Variants in TBX1 observed in about 807,000 individuals in gnomAD.
TBX1 encodes T-box transcription factor 1.
In TBX1, 16 loss-of-function variants were observed where a neutral mutation model predicts 40.8. The observed-to-expected ratio is 0.39, with a 90% CI of 0.27 to 0.60. The LOEUF is 0.60. Among genes scored for constraint, TBX1 ranks in the 20% least tolerant of loss-of-function variants. TBX1 has a pLI of 0.51. For missense variants in TBX1, 755 were observed against 728.5 expected, an observed-to-expected ratio of 1.04 and a Z score of -0.42; for synonymous variants, 403 against 336.8, an observed-to-expected ratio of 1.20 and a Z score of -2.15.
downstream of TBX1, among the ~76,000 whole-genome samples, chr22:19,768,950 A>ATTTTTTTTTTTTTTTTTTTTTTT (rs1601297935): frequency 1.4e-5 from 1 of 70,714 alleles, no homozygotes; most frequent in African/African-American, 5.2e-5. Flanking sequence ...GGCTGTTCGC[A>ATTTTTTTTTTTTTTTTTTTTTTT]TTCTTTTTTT....
At chr22:19,768,151 T>C (rs1936921397), downstream of TBX1, among the ~76,000 whole-genome samples, 1 of 152,168 alleles carries the variant, frequency 6.6e-6, no homozygotes, top group African/African-American at 2.4e-5. Context: ...GGACACAAGA[T>C]GAACGGGAAG....
chr22:19,770,152 G>A (rs1936964513), downstream of TBX1, among the ~76,000 whole-genome samples: 1 of 152,160 alleles, frequency 6.6e-6, no homozygotes, highest in African/African-American at 2.4e-5. Context: ...CCCTAGCCTG[G>A]CTGCAGACGT....
Position 19,766,490 on chromosome 22 carries a change from C to T in TBX1, c.1138C>T (p.Pro380Ser), listed in dbSNP as rs922499443. The T allele has an allele frequency of 3.0e-6, 4 of 1,315,450 alleles. No individual in the cohort carries two copies. The highest frequency in any genetic ancestry group is 3.9e-6 in the Non-Finnish European group (4 of 1,030,946). 81.5% of individuals were successfully genotyped at this position (1,315,450 alleles called of 1,614,324 possible). The change falls in exon 7 of 7, where the codon CCC becomes TCC. Residue 380 changes from proline to serine, a missense_variant. By Grantham distance (74) the Pro-to-Ser change is moderately conservative (BLOSUM62 -1). Around this residue, in one of 3 missense-constraint regions of TBX1, gnomAD observed 412 missense variants for 317.6 expected, o/e 1.30. Coordinates refer to ENST00000649276, the MANE Select transcript of TBX1 (RefSeq NM_001379200.1). ...PPQLLARVLSPSLPGAGGAGG... is the reference protein window; with the variant it reads ...PPQLLARVLSSSLPGAGGAGG... ...GCAGCTGCTGGCCCGGGTGCTAAGC[C>T]CCTCGCTGCCCGGGGCCGGCGGCGC... is the stretch of plus-strand genomic sequence containing the variant.
rs764978950 is a variant in TBX1, at chr22:19,766,893, C to T, written c.*26C>T. On this transcript the variant is annotated 3_prime_UTR_variant, in exon 7 of 7. Coordinates refer to ENST00000649276, the MANE Select transcript of TBX1 (RefSeq NM_001379200.1). ...CACGGGCCCTGTCGCGCTCCCGCCCCGGTCCTGCACAGCCCCGAAGTTCGC... is the reference window on the plus strand; with the variant it reads ...CACGGGCCCTGTCGCGCTCCCGCCCTGGTCCTGCACAGCCCCGAAGTTCGC... 1.5e-5 allele frequency: 23 copies of T among 1,580,174 alleles called. No individual in the cohort carries two copies. The highest frequency in any genetic ancestry group is 1.9e-5 in the Non-Finnish European group (22 of 1,171,404).
Position 19,779,276 on chromosome 22 carries a change from G to A in TBX1, c.1066G>A (p.Glu356Lys), listed in dbSNP as rs751571620. 29 of 1,614,046 alleles carry A rather than the reference G, an allele frequency of 1.8e-5. 1 individual carries two copies. Among genetic ancestry groups the A allele is most frequent in the South Asian group, 1.6e-4 (15 of 91,078 alleles). The change falls in exon 9 of 9, where the codon GAG (glutamate) becomes AAG (lysine). Residue 356 changes from glutamate (E) to lysine (K), a missense_variant. Coordinates refer to the TBX1 transcript ENST00000329705. ...AGCTGAGACGTCTAGGAACACACCA[G>A]AGAGAGAAGTGGAGCTTCTGAGGGA...
At chr22:19,780,832 G>T (rs1937135616), downstream of TBX1, among the ~76,000 whole-genome samples, 1 of 142,686 alleles carries the variant, frequency 7.0e-6, no homozygotes, top group South Asian at 2.2e-4. Flanking sequence ...GCCCAGGCTG[G>T]AGTGCAGTGG....
At chr22:19,759,416 G>GTGGGC (rs1227190742), upstream of TBX1, 81 of 1,286,412 alleles carry the variant, frequency 6.3e-5, 1 homozygote, top group Admixed American at 1.2e-4. Context: ...CCCGGACTCC[G>GTGGGC]TGGGCTGGGC....
At chr22:19,759,397 G>GC (rs1936564989), upstream of TBX1, 5 of 800,922 alleles carry the variant, frequency 6.2e-6, no homozygotes, top group South Asian at 2.8e-4. Flanking sequence ...GGCACCACAG[G>GC]CCCCCGCCCC....
At chr22:19,759,523 A>C (rs549851581), upstream of TBX1, 1 of 1,539,032 alleles carries the variant, frequency 6.5e-7, no homozygotes, top group Admixed American at 1.9e-5. Context: ...TGTCTCCCCG[A>C]GCCAGTGCGT....
At chr22:19,759,550 G>A (rs1056651119), upstream of TBX1, 1 of 1,567,530 alleles carries the variant, frequency 6.4e-7, no homozygotes, top group African/African-American at 1.4e-5. Flanking sequence ...TCGCCTCTCT[G>A]GTTGCAGCGG....
downstream of TBX1, chr22:19,783,144 G>A (rs1480609119): frequency 1.4e-6 from 1 of 715,084 alleles, no homozygotes; most frequent in African/African-American, 1.7e-5. Context: ...ACCCCGTGGA[G>A]TAGACAAACT....
downstream of TBX1, among the ~76,000 whole-genome samples, chr22:19,780,776 G>GTTTTGTTTT (rs1937133064): frequency 1.7e-5 from 2 of 119,108 alleles, no homozygotes; most frequent in African/African-American, 6.8e-5. Flanking sequence ...CTTGTTTTCT[G>GTTTTGTTTT]TTTTTTTTTT....
chr22:19,765,069 G>A lies in TBX1; in HGVS notation c.823G>A (p.Glu275Lys), dbSNP rs144848597. Residue 275 changes from glutamate (E) to lysine (K), a missense_variant, in exon 4 of 7, where the codon GAG (glutamate) becomes AAG (lysine). Transcript: ENST00000649276. ...AEENFKTFVF[E>K]ETRFTAVTAY... is the part of the protein sequence containing the mutation. ...GGAGAACTTCAAAACCTTTGTGTTC[G>A]AGGAGACACGATTCACCGCGGTCAC... The A allele has an allele frequency of 3.9e-5, 63 of 1,614,218 alleles. No homozygotes were observed. In the African/African-American group the frequency reaches 4.4e-4, roughly 11 times the overall value.
chr22:19,783,156 C>A, downstream of TBX1: 1 of 699,192 alleles, frequency 1.4e-6, no homozygotes, highest in South Asian at 1.5e-5. Context: ...AGACAAACTG[C>A]TCAGCCCAGC....
In TBX1 at chr22:19,766,535, C is replaced by T. The variant is rs1555896727; in HGVS notation, c.1183C>T (p.Pro395Ser). The T allele has an allele frequency of 3.0e-6, 4 of 1,345,108 alleles. No individual in the cohort carries two copies. Among genetic ancestry groups the T allele is most frequent in the South Asian group, 1.9e-5 (1 of 52,524 alleles). The allele number at this position is 1,345,108 out of a possible 1,614,324, so 83.3% of individuals were successfully genotyped here. The change falls in exon 7 of 7, where the codon CCC (proline) becomes TCC (serine). Residue 395 changes from proline to serine, a missense_variant. Transcript: ENST00000649276. The part of the protein sequence containing the change: ...AGGAGGLVPL[P>S]GAPGGRPSPP... ...CGGCGCCGGCGGCTTAGTCCCGCTG[C>T]CCGGCGCGCCCGGAGGCCGGCCCAG...
At chr22:19,768,110 G>C (rs1270957584), downstream of TBX1, among the ~76,000 whole-genome samples, 1 of 152,206 alleles carries the variant, frequency 6.6e-6, no homozygotes, top group Non-Finnish European at 1.5e-5. Flanking sequence ...AGGAAGGGCT[G>C]ACAGCCGGTC....
intron 6 of TBX1, 109 bp from the exon 7 acceptor site, chr22:19,766,280 G>C (rs1158198537): frequency 1.7e-6 from 2 of 1,192,494 alleles, no homozygotes; most frequent in African/African-American, 3.2e-5. Context: ...ACTGGTCGGG[G>C]AACACCGAGG....
At chr22:19,774,508 T>C (rs1285079564) in intron 8 of TBX1, among the ~76,000 whole-genome samples, 1 of 152,082 alleles carries the variant, frequency 6.6e-6, no homozygotes, top group East Asian at 1.9e-4. Flanking sequence ...CTCAAAGAGA[T>C]ATTTCTCCAC....
downstream of TBX1, among the ~76,000 whole-genome samples, chr22:19,769,009 G>A (rs111846520): frequency 1.6e-3 from 229 of 139,522 alleles, no homozygotes; most frequent in African/African-American, 5.8e-3. Flanking sequence ...CGCCCAGGCC[G>A]GAATGCCGTG....
Sources: allele counts gnomAD v4.1 joint callset (sites outside exome capture counted in the v4.1 genomes callset), GRCh38; gene constraint gnomAD v4.1.1; regional missense constraint gnomAD v4.1.1; transcripts MANE v1.5; gene names NCBI Gene and HGNC (gene_info 2026-07-23, HGNC 2026-07-21).